Variants in SMC1A observed in about 807,000 individuals in gnomAD.
SMC1A encodes the protein structural maintenance of chromosomes protein 1A.
Under a neutral mutation model 94.5 loss-of-function variants are expected in SMC1A, and 4 were observed. That is an observed-to-expected ratio of 0.04 (90% CI 0.02 to 0.10). The LOEUF (loss-of-function observed/expected upper bound fraction) is 0.10, where lower values mean the gene tolerates loss of function less well. Ranked by LOEUF, SMC1A falls within the 10% of genes least tolerant of loss-of-function variation. The pLI is 1.00. For synonymous variants in SMC1A, 345 were observed against 347.7 expected, an observed-to-expected ratio of 0.99 and a Z score of 0.09; for missense variants, 304 against 989.0, an observed-to-expected ratio of 0.31 and a Z score of 9.29.
chrX:53,401,745 CAT>C (rs1218543053), intron 15 of SMC1A, among the ~76,000 whole-genome samples: 2 of 110,143 alleles, frequency 1.8e-5, no homozygotes, highest in African/African-American at 3.3e-5. Context: ...TATATATACA[CAT>C]ATATTTTTTT....
At chrX:53,401,988 GTTT>G (rs1466237816) in intron 15 of SMC1A, among the ~76,000 whole-genome samples, 1 of 107,707 alleles carries the variant, frequency 9.3e-6, no homozygotes, top group African/African-American at 3.4e-5. Flanking sequence ...TCTTGTCATT[GTTT>G]TTTATTTTTC....
Position 53,407,899 on chromosome X carries a change from A to G in SMC1A, c.1545+1163T>C, listed in dbSNP as rs180676319. On this transcript the variant is annotated intron_variant, in intron 9 of 24. Transcript: ENST00000322213. ...GAAAAGCCTATTCTGGTTCCCAAGC[A>G]ATGACTTCAGGCAGTCGTGTCTGAA... 3.8e-4 allele frequency among the ~76,000 whole-genome samples: 42 copies of G among 111,925 alleles called. 1 individual carries two copies. Among genetic ancestry groups the G allele is most frequent in the Admixed American group, 3.6e-3 (38 of 10,501 alleles).
chrX:53,401,538 A>C (rs1682646415), intron 15 of SMC1A, among the ~76,000 whole-genome samples: 1 of 111,459 alleles, frequency 9.0e-6, no homozygotes, highest in Admixed American at 9.6e-5. Context: ...GTGAACTCCC[A>C]CACAGTATTC....
intron 1 of SMC1A, among the ~76,000 whole-genome samples, chrX:53,415,843 G>GAA (rs201092400): frequency 1.9e-3 from 96 of 50,884 alleles, no homozygotes; most frequent in African/African-American, 5.5e-3. Flanking sequence ...AAAAAATAGT[G>GAA]AAAAAAAAAA....
chrX:53,392,596 C>T (rs782489999), intron 19 of SMC1A, among the ~76,000 whole-genome samples: 1 of 110,386 alleles, frequency 9.1e-6, no homozygotes, highest in East Asian at 2.9e-4. Flanking sequence ...TACAGGTATG[C>T]ACCACCATGC....
chrX:53,390,977 AAAAAAAAAAAAAAAAAAAAAGAAAAAG>A (rs1556887173), intron 19 of SMC1A, among the ~76,000 whole-genome samples: 3 of 95,695 alleles, frequency 3.1e-5, no homozygotes, highest in East Asian at 6.4e-4. Flanking sequence ...CCGTCTCAAA[AAAAAAAAAAAAAAAAAAAAAGAAAAAG>A]AAAAAAAAAA....
Position 53,380,214 on chromosome X carries a change from T to G in SMC1A, c.3619-28A>C. 6 of 1,097,898 alleles carry G rather than the reference T, an allele frequency of 5.5e-6. No homozygotes were observed. The Middle Eastern group carries it at 7.8e-4, about 143-fold the overall frequency. 90.5% of individuals were successfully genotyped at this position (1,097,898 alleles called of 1,213,427 possible). A position where few individuals can be genotyped will look rare whatever the true frequency, so the allele number is the denominator to read the frequency against. ...GAAGGAGGAGGGAGAAAAAGAAAAA[T>G]AAAATTGTAAGGAGAGAATTAAGAG... On this transcript the variant is annotated intron_variant, in intron 24 of 24. Transcript: ENST00000322213.
In SMC1A at chrX:53,382,234, G is replaced by A; in HGVS notation, c.3435C>T (p.His1145=). 8.3e-7 allele frequency: 1 copy of A among 1,211,514 alleles called. No individual in the cohort carries two copies. Among genetic ancestry groups the A allele is most frequent in the South Asian group, 1.8e-5 (1 of 56,974 alleles). The change falls in exon 22 of 25, where the codon CAC becomes CAT. Residue 1145 remains histidine, a splice_region_variant and synonymous_variant. Transcript: ENST00000322213. The stretch of plus-strand genomic sequence containing the variant: ...CTGCCCTAGGGGATCAGCCTTACCT[G>A]TGGATGGCAAAGAGCAGGGCCAGAG... ...VAALALLFAI[H]SYKPAPFFVL...
rs1556886022 is a variant in SMC1A, at chrX:53,382,540, A to G, written c.3251T>C (p.Ile1084Thr). The G allele has an allele frequency of 8.3e-7, 1 of 1,210,914 alleles. No homozygotes were observed. Among genetic ancestry groups the G allele is most frequent in the Non-Finnish European group, 1.1e-6 (1 of 895,099 alleles). ...GCTATTGCGGGACAGGGCCTTATAG[A>G]TCTCATCAATGTTGGTAGCCACAGA... ...FESVATNIDE[I>T]YKALSRNSSA... The change falls in exon 21 of 25, where the codon ATC becomes ACC. Residue 1084 changes from isoleucine to threonine, a missense_variant. Around this residue, in one of 11 missense-constraint regions of SMC1A, gnomAD observed 17 missense variants for 38.8 expected, o/e 0.44. Transcript: ENST00000322213.
chrX:53,422,183 G>C (rs1347095452), intron 1 of SMC1A: 2 of 654,331 alleles, frequency 3.1e-6, no homozygotes, highest in Non-Finnish European at 4.6e-6. Context: ...GACTGAGCTG[G>C]CGGGAAGCTG....
chrX:53,383,048 C>T (rs1455925949), intron 20 of SMC1A, 49 bp downstream of exon 20: 1 of 1,150,992 alleles, frequency 8.7e-7, no homozygotes, highest in Non-Finnish European at 1.2e-6. Flanking sequence ...GTGGCATACC[C>T]TTAGCCTCTT....
chrX:53,383,050 T>TA (rs2075591245), intron 20 of SMC1A, 47 bp downstream of exon 20: 4 of 1,153,278 alleles, frequency 3.5e-6, no homozygotes, highest in Non-Finnish European at 4.7e-6. Flanking sequence ...GGCATACCCT[T>TA]AGCCTCTTGT....
Position 53,409,009 on chromosome X carries a change from C to T in SMC1A, c.1545+53G>A, listed in dbSNP as rs1235229172. On this transcript the variant is annotated intron_variant, in intron 9 of 24. Transcript: ENST00000322213. ...GTCCTTACAGGGCTGCTGGGAAAATCGTGTGACAGTGAGTGTAAGTGCTCA... is the reference window on the plus strand; with the variant it reads ...GTCCTTACAGGGCTGCTGGGAAAATTGTGTGACAGTGAGTGTAAGTGCTCA... The T allele has an allele frequency of 2.9e-5, 32 of 1,110,038 alleles. No individual in the cohort carries two copies. The African/African-American group carries it at 4.9e-4, about 17-fold the overall frequency. The allele number at this position is 1,110,038 out of a possible 1,213,427, so 91.5% of individuals were successfully genotyped here. A position where few individuals can be genotyped will look rare whatever the true frequency, so the allele number is the denominator to read the frequency against.
At chrX:53,413,526 C>A in intron 3 of SMC1A, 91 bp from the exon 4 acceptor site, 1 of 831,130 alleles carries the variant, frequency 1.2e-6, no homozygotes, top group Non-Finnish European at 1.8e-6. Context: ...AAAAAGTTAC[C>A]AACTTTCTCT....
At chrX:53,421,593 T>C (rs1396151784) in intron 1 of SMC1A, among the ~76,000 whole-genome samples, 2 of 111,702 alleles carry the variant, frequency 1.8e-5, no homozygotes, top group Non-Finnish European at 3.8e-5. Context: ...AAATAGAGGC[T>C]TTACCTGACC....
rs2075757639 is a variant in SMC1A at position 53,421,850 on chromosome X, T to C, written c.109+642A>G. 6.0e-6 allele frequency: 7 copies of C among 1,159,274 alleles called. 1 individual carries two copies. The East Asian group carries it at 1.9e-4, about 31-fold the overall frequency. ...TTGGTAAATTAGTTAATTTCGGCTT[T>C]TGACGGTTTCGGTGGTAGGAAAAGG... On this transcript the variant is annotated intron_variant, in intron 1 of 24. Coordinates refer to ENST00000322213, the MANE Select transcript of SMC1A (RefSeq NM_006306.4).
At chrX:53,401,279 T>C (rs782292245) in intron 15 of SMC1A, among the ~76,000 whole-genome samples, 28 of 111,974 alleles carry the variant, frequency 2.5e-4, no homozygotes, top group Middle Eastern at 4.6e-3. Context: ...TTATCACCAC[T>C]GCCTGGGCAA....
At chrX:53,390,592 T>G (rs1348609540) in intron 19 of SMC1A, among the ~76,000 whole-genome samples, 1 of 110,799 alleles carries the variant, frequency 9.0e-6, no homozygotes, top group Non-Finnish European at 1.9e-5. Context: ...CTGTAGTATT[T>G]TACTTTTGCA....
At chrX:53,409,014 G>A (rs781918458) in intron 9 of SMC1A, 48 bp downstream of exon 9, 8 of 1,122,859 alleles carry the variant, frequency 7.1e-6, no homozygotes, top group Non-Finnish European at 9.8e-6. Flanking sequence ...AAAATCGTGT[G>A]ACAGTGAGTG....
Sources: allele counts gnomAD v4.1 joint callset (sites outside exome capture counted in the v4.1 genomes callset), GRCh38; gene constraint gnomAD v4.1.1; regional missense constraint gnomAD v4.1.1; transcripts MANE v1.5; gene names NCBI Gene and HGNC (gene_info 2026-07-23, HGNC 2026-07-21).